Variants in GPSM2 observed in about 807,000 individuals in gnomAD.
GPSM2 encodes the protein G protein signaling modulator 2.
A neutral mutation model predicts 78.4 loss-of-function variants in GPSM2; 58 were observed. The ratio of observed to expected loss-of-function variants is 0.74; its 90% CI spans 0.60 to 0.92. The LOEUF (loss-of-function observed/expected upper bound fraction) is 0.92. GPSM2 is among the 40% of genes least tolerant of loss of function. The probability of loss-of-function intolerance (pLI) is 0.00; values close to 1 mark genes in which losing one functional copy is unlikely to be tolerated. For missense variants in GPSM2, 700 were observed against 815.5 expected (o/e 0.86, Z 1.73); for synonymous variants, 224 against 280.2 (o/e 0.80, Z 2.00).
intron 10 of GPSM2, among the ~76,000 whole-genome samples, chr1:108,913,609 A>T (rs995539478): frequency 2.6e-5 from 4 of 152,258 alleles, no homozygotes; most frequent in Admixed American, 1.3e-4. Context: ...TATTGCTAAG[A>T]AATACATACA....
At chr1:108,914,287 G>C (rs776409702) in intron 10 of GPSM2, 51 bp from the exon 11 acceptor site, 1 of 1,196,412 alleles carries the variant, frequency 8.4e-7, no homozygotes, top group Non-Finnish European at 1.3e-6. Flanking sequence ...TGCTGAACTT[G>C]TACTCTTAAG....
At position 108,928,988 on chromosome 1, in the gene GPSM2, C is replaced by CAA. The variant is rs58261746; in HGVS notation, c.1816-695_1816-694dup. Among the ~76,000 whole-genome samples the CAA allele has an allele frequency of 1.9e-3, 198 of 104,596 alleles. 2 individuals are homozygous for CAA. The highest frequency in any genetic ancestry group is 6.6e-3 in the African/African-American group (179 of 27,136). The allele number at this position is 104,596 out of a possible 152,430, so 68.6% of individuals were successfully genotyped here. ...TGGATGACAGAGCGAGAATCCGTCTCAAAAAAAAAAAAAAAAAAATTCATT... is the reference window on the plus strand; with the variant it reads ...TGGATGACAGAGCGAGAATCCGTCTCAAAAAAAAAAAAAAAAAAAAATTCATT... On this transcript the variant is annotated intron_variant, in intron 14 of 14. Coordinates refer to ENST00000264126, the MANE Select transcript of GPSM2 (RefSeq NM_013296.5).
intron 2 of GPSM2, among the ~76,000 whole-genome samples, chr1:108,894,430 G>C (rs1190267127): frequency 1.3e-5 from 2 of 152,170 alleles, no homozygotes; most frequent in Non-Finnish European, 2.9e-5. Context: ...AGCCATGGTG[G>C]CTCACACCTG....
At chr1:108,908,970 T>G (rs1649490898) in intron 10 of GPSM2, among the ~76,000 whole-genome samples, 1 of 149,522 alleles carries the variant, frequency 6.7e-6, no homozygotes, top group Non-Finnish European at 1.5e-5. Context: ...GACCGCCATC[T>G]CTCCAAAAAA....
Position 108,922,486 on chromosome 1 carries a change from A to G in GPSM2, c.1510A>G (p.Met504Val). The change falls in exon 13 of 15, where the codon ATG becomes GTG. Residue 504 changes from methionine (M) to valine (V), a missense_variant. Met to Val is a conservative substitution (Grantham distance 21). Transcript: ENST00000264126. Reference protein sequence around the residue: ...DLLSRFQSNRMDDQRCCLQEK... With the variant: ...DLLSRFQSNRVDDQRCCLQEK... The stretch of plus-strand genomic sequence containing the variant: ...ATTAAGCCGATTTCAAAGCAATAGG[A>G]TGGATGATCAGAGATGTTGCTTACA... 6.2e-7 allele frequency: 1 copy of G among 1,611,580 alleles called. No homozygotes were observed. Among genetic ancestry groups the G allele is most frequent in the Non-Finnish European group, 8.5e-7 (1 of 1,177,730 alleles).
chr1:108,897,528 T>C lies in GPSM2; in HGVS notation c.315T>C (p.Ser105=). 1.2e-6 allele frequency: 2 copies of C among 1,613,862 alleles called. No individual in the cohort carries two copies. The highest frequency in any genetic ancestry group is 1.1e-5 in the South Asian group (1 of 91,060). The change falls in exon 4 of 15, where the codon AGT becomes AGC. Residue 105 remains serine (S), a synonymous_variant. Coordinates refer to ENST00000264126, the MANE Select transcript of GPSM2 (RefSeq NM_013296.5). The part of the protein sequence containing the change: ...IGDQLGEAKA[S]GNLGNTLKVL... ...ACCAGCTGGGGGAAGCGAAAGCTAG[T>C]GGTAATCTGGGAAACACCTTAAAAG...
intron 2 of GPSM2, 110 bp downstream of exon 2, chr1:108,885,688 T>A (rs974491214): frequency 4.0e-6 from 3 of 756,150 alleles, no homozygotes; most frequent in Non-Finnish European, 7.1e-6. Flanking sequence ...ATACCAGCCA[T>A]AGTATTGTCT....
chr1:108,905,863 A>G (rs1457283336), intron 10 of GPSM2, among the ~76,000 whole-genome samples: 4 of 152,188 alleles, frequency 2.6e-5, no homozygotes, highest in Non-Finnish European at 5.9e-5. Context: ...TACAAGAGGG[A>G]GTGAATTTTT....
chr1:108,929,807 A>T lies in GPSM2; in HGVS notation c.1922A>T (p.Lys641Met). The T allele has an allele frequency of 6.2e-7, 1 of 1,614,174 alleles. No individual in the cohort carries two copies. The highest frequency in any genetic ancestry group is 8.5e-7 in the Non-Finnish European group (1 of 1,179,988). The change falls in exon 15 of 15, where the codon AAG becomes ATG. Residue 641 changes from lysine (K) to methionine (M), a missense_variant. By Grantham distance (95) the Lys-to-Met change is moderately conservative. Transcript: ENST00000264126. ...FFSLILRSQG[K>M]RMDEQRVLLQ... ...AGCCTTATTTTACGGTCCCAGGGAA[A>T]GAGAATGGATGAACAGAGAGTTCTT...
chr1:108,897,121 G>A, intron 3 of GPSM2, 36 bp downstream of exon 3: 1 of 1,384,094 alleles, frequency 7.2e-7, no homozygotes, highest in Non-Finnish European at 1.0e-6. Flanking sequence ...TCTTCCTTCT[G>A]AAATTAGCTA....
intron 1 of GPSM2, among the ~76,000 whole-genome samples, chr1:108,883,306 G>A (rs1309644307): frequency 6.6e-6 from 1 of 152,108 alleles, no homozygotes; most frequent in Admixed American, 6.5e-5. Flanking sequence ...AGAGCAGTGA[G>A]TATTCATTAG....
At position 108,930,935 on chromosome 1, in the gene GPSM2, C is replaced by CCAA. The variant is rs1651848336; in HGVS notation, c.*997_*999dup. The stretch of plus-strand genomic sequence containing the variant: ...AGCATGCTGGCACACACCTGTAGTC[C>CCAA]CAACTGCTTAAGAGGCTGAGGCAGG... On this transcript the variant is annotated 3_prime_UTR_variant, in exon 15 of 15. Transcript: ENST00000264126. 1 of 157,512 alleles carries CCAA rather than the reference C, an allele frequency of 6.3e-6. No homozygotes were observed. The highest frequency in any genetic ancestry group is 2.4e-5 in the African/African-American group (1 of 41,072). 9.8% of individuals were successfully genotyped at this position (157,512 alleles called of 1,614,324 possible).
At chr1:108,910,837 TG>T (rs1436144764) in intron 10 of GPSM2, among the ~76,000 whole-genome samples, 1 of 150,204 alleles carries the variant, frequency 6.7e-6, no homozygotes, top group African/African-American at 2.5e-5. Flanking sequence ...CACTCCAGCC[TG>T]GGCGACAGAG....
Position 108,930,428 on chromosome 1 carries a change from A to C in GPSM2, c.*488A>C, listed in dbSNP as rs191678882. The C allele has an allele frequency of 3.3e-4, 51 of 153,902 alleles. No individual in the cohort carries two copies. Among genetic ancestry groups the C allele is most frequent in the Non-Finnish European group, 6.4e-4 (44 of 69,248 alleles). 9.5% of individuals were successfully genotyped at this position (153,902 alleles called of 1,614,324 possible). ...CTAGGTTTTTTTTTCCTCCATGAAA[A>C]TCTGTTTTTTTAGGCCAAAGTCAGT... On this transcript the variant is annotated 3_prime_UTR_variant, in exon 15 of 15. Coordinates refer to ENST00000264126, the MANE Select transcript of GPSM2 (RefSeq NM_013296.5).
rs1651767427 is a variant in GPSM2, at chr1:108,930,536, T to G, written c.*596T>G. 6.6e-6 allele frequency: 1 copy of G among 152,472 alleles called. No individual in the cohort carries two copies. The highest frequency in any genetic ancestry group is 6.6e-5 in the Admixed American group (1 of 15,242). 9.4% of individuals were successfully genotyped at this position (152,472 alleles called of 1,614,324 possible). ...ACATTGGGAGGCTGAGGCAGGAGGA[T>G]CGCTTGAGGCTAGGAGTTCAAGACC... On this transcript the variant is annotated 3_prime_UTR_variant, in exon 15 of 15. Transcript: ENST00000264126.
chr1:108,922,462 T>C lies in GPSM2; in HGVS notation c.1486T>C (p.Leu496=), dbSNP rs61758992. 2.5e-6 allele frequency: 4 copies of C among 1,612,620 alleles called. No individual in the cohort carries two copies. Among genetic ancestry groups the C allele is most frequent in the Non-Finnish European group, 2.5e-6 (3 of 1,178,712 alleles). ...TGGAGATGAAGGGTTCTTTGACTTA[T>C]TAAGCCGATTTCAAAGCAATAGGAT... ...TIGDEGFFDL[L]SRFQSNRMDD... is the part of the protein sequence containing the mutation. Residue 496 remains leucine, a synonymous_variant, in exon 13 of 15, where the codon TTA becomes CTA. Coordinates refer to ENST00000264126, the MANE Select transcript of GPSM2 (RefSeq NM_013296.5).
rs71593443 is a variant in GPSM2 at position 108,917,595 on chromosome 1, T to TACACACAC, written c.1264-1008_1264-1001dup. On this transcript the variant is annotated intron_variant, in intron 11 of 14. Transcript: ENST00000264126. ...AAATTTAAAAAAAGCAACAAATGTA[T>TACACACAC]ACACACACACACACACATATATATA... is the stretch of plus-strand genomic sequence containing the variant. Among the ~76,000 whole-genome samples, 166 of 57,182 alleles carry TACACACAC rather than the reference T, an allele frequency of 2.9e-3. 4 individuals are homozygous for TACACACAC. The highest frequency in any genetic ancestry group is 5.2e-3 in the East Asian group (7 of 1,342). 37.5% of individuals were successfully genotyped at this position (57,182 alleles called of 152,430 possible).
rs142453358 is a variant in GPSM2, at chr1:108,924,181, T to G, written c.1782T>G (p.Asp594Glu). 1.9e-4 allele frequency: 301 copies of G among 1,613,290 alleles called. No homozygotes were observed. Among genetic ancestry groups the G allele is most frequent in the Non-Finnish European group, 2.3e-4 (268 of 1,179,356 alleles). Reference sequence around the variant, plus strand: ...TGACTAATGACAACAAAGAGGCTGATGAAGATTTCTTTGACATCCTTGTAA... The same window carrying G: ...TGACTAATGACAACAAAGAGGCTGAGGAAGATTTCTTTGACATCCTTGTAA... The part of the protein sequence containing the change: ...HLMTNDNKEA[D>E]EDFFDILVKC... Residue 594 changes from aspartate to glutamate, a missense_variant, in exon 14 of 15, where the codon GAT becomes GAG. Coordinates refer to ENST00000264126, the MANE Select transcript of GPSM2 (RefSeq NM_013296.5).
chr1:108,929,459 G>A, intron 14 of GPSM2: 1 of 531,430 alleles, frequency 1.9e-6, no homozygotes, highest in Non-Finnish European at 3.4e-6. Context: ...AACCAATGAA[G>A]CAGCTATACC....
Sources: gnomAD v4.1 joint callset for allele counts (sites outside exome capture counted in the v4.1 genomes callset) on GRCh38, gnomAD v4.1.1 for gene constraint, MANE v1.5 for transcripts, NCBI Gene and HGNC (gene_info 2026-07-23, HGNC 2026-07-21) for gene names.